DOCK3: variants seen among roughly 807,000 people sequenced by gnomAD.
DOCK3 encodes dedicator of cytokinesis 3.
A neutral mutation model predicts 265.6 loss-of-function variants in DOCK3; 60 were observed. The ratio of observed to expected loss-of-function variants is 0.23; its 90% CI spans 0.18 to 0.28. DOCK3 has a LOEUF of 0.28. Ranked by LOEUF, DOCK3 falls within the 10% of genes least tolerant of loss-of-function variation. DOCK3 has a pLI of 1.00. For missense variants in DOCK3, 1,981 were observed against 2,594.3 expected, an observed-to-expected ratio of 0.76 and a Z score of 5.14; for synonymous variants, 881 against 938.0, an observed-to-expected ratio of 0.94 and a Z score of 1.11.
At chr3:51,030,631 A>G (rs576585910) in intron 5 of DOCK3, among the ~76,000 whole-genome samples, 22 of 152,296 alleles carry the variant, frequency 1.4e-4, no homozygotes, top group African/African-American at 5.1e-4. Context: ...CTTTTAGTTT[A>G]CTTTCTGCTA....
chr3:51,310,198 G>C (rs1024867774), intron 27 of DOCK3, 34 bp from the exon 28 acceptor site: 2 of 1,537,640 alleles, frequency 1.3e-6, no homozygotes, highest in Admixed American at 1.9e-5. Flanking sequence ...TATTGTGGTG[G>C]TGGTGTCTCA....
At chr3:50,960,865 T>C (rs2076867012) in intron 5 of DOCK3, among the ~76,000 whole-genome samples, 1 of 152,174 alleles carries the variant, frequency 6.6e-6, no homozygotes, top group Admixed American at 6.5e-5. Flanking sequence ...TGGTGTGAGA[T>C]AAAAATCTAA....
intron 14 of DOCK3, among the ~76,000 whole-genome samples, chr3:51,214,813 G>C (rs1229585073): frequency 6.6e-6 from 1 of 152,154 alleles, no homozygotes; most frequent in African/African-American, 2.4e-5. Context: ...AATGCCCCGT[G>C]GAGAGCCAGG....
intron 5 of DOCK3, among the ~76,000 whole-genome samples, chr3:50,983,840 C>T (rs1319808103): frequency 1.3e-5 from 2 of 152,172 alleles, no homozygotes; most frequent in African/African-American, 4.8e-5. Flanking sequence ...AGAAGAGCTG[C>T]AGCTCTTTGG....
intron 23 of DOCK3, among the ~76,000 whole-genome samples, chr3:51,267,900 C>G (rs2080286194): frequency 6.6e-6 from 1 of 152,070 alleles, no homozygotes; most frequent in African/African-American, 2.4e-5. Flanking sequence ...AACAGAAAAC[C>G]AAACACCACA....
chr3:51,311,605 C>A (rs2083069905), intron 28 of DOCK3, among the ~76,000 whole-genome samples: 1 of 152,176 alleles, frequency 6.6e-6, no homozygotes, highest in Non-Finnish European at 1.5e-5. Flanking sequence ...ACAAAGTGAT[C>A]ATAATATCTC....
intron 6 of DOCK3, among the ~76,000 whole-genome samples, chr3:51,070,887 C>T (rs888940347): frequency 2.6e-5 from 4 of 151,986 alleles, no homozygotes; most frequent in African/African-American, 7.3e-5. Context: ...GTTGTGCACT[C>T]CTTATGAGAA....
chr3:51,010,641 T>A (rs1172225366), intron 5 of DOCK3, among the ~76,000 whole-genome samples: 1 of 152,210 alleles, frequency 6.6e-6, no homozygotes. Flanking sequence ...TATTGTTATG[T>A]GTGAATTTGA....
intron 32 of DOCK3, among the ~76,000 whole-genome samples, chr3:51,327,221 C>T (rs1158577330): frequency 1.3e-5 from 2 of 152,126 alleles, no homozygotes; most frequent in Non-Finnish European, 1.5e-5. Context: ...TCTCAGAACC[C>T]ACCATGGTGC....
chr3:51,351,194 G>A (rs1024000577), intron 40 of DOCK3, among the ~76,000 whole-genome samples: 1 of 152,184 alleles, frequency 6.6e-6, no homozygotes, highest in African/African-American at 2.4e-5. Flanking sequence ...GCCCTGATGT[G>A]TGGGCCCTGG....
chr3:50,809,930 A>T (rs866421198), intron 2 of DOCK3, among the ~76,000 whole-genome samples: 1 of 152,168 alleles, frequency 6.6e-6, no homozygotes, highest in South Asian at 2.1e-4. Flanking sequence ...ACTTGAGGCC[A>T]GGAGTTTGAG....
At chr3:51,113,939 C>T (rs1231722998) in intron 9 of DOCK3, among the ~76,000 whole-genome samples, 1 of 151,928 alleles carries the variant, frequency 6.6e-6, no homozygotes, top group Non-Finnish European at 1.5e-5. Context: ...AGCAAGACCC[C>T]ATCTCTACAA....
At chr3:50,926,737 T>G (rs1033542514) in intron 4 of DOCK3, among the ~76,000 whole-genome samples, 1 of 152,168 alleles carries the variant, frequency 6.6e-6, no homozygotes, top group Non-Finnish European at 1.5e-5. Flanking sequence ...TGGTACAGCA[T>G]TAGACAGCTG....
rs982905362 is a variant in DOCK3 at position 50,836,477 on chromosome 3, C to G, written c.122-5198C>G. The stretch of plus-strand genomic sequence containing the variant: ...GAGCTGTACCTTTCACCCTCTGAAG[C>G]AACAGCCTGAAGTATACCTTTAGCC... On this transcript the variant is annotated intron_variant, in intron 2 of 52. Coordinates refer to ENST00000266037, the MANE Select transcript of DOCK3 (RefSeq NM_004947.5). 2.0e-5 allele frequency among the ~76,000 whole-genome samples: 3 copies of G among 152,220 alleles called. No individual in the cohort carries two copies. In the East Asian group the frequency reaches 5.8e-4, roughly 29 times the overall value.
chr3:50,885,589 A>G (rs1156394822), intron 3 of DOCK3, among the ~76,000 whole-genome samples: 3 of 152,068 alleles, frequency 2.0e-5, no homozygotes, highest in East Asian at 1.9e-4. Context: ...TTTCAGTCCA[A>G]CTGTCCCATT....
chr3:51,182,374 G>A (rs147233592), intron 12 of DOCK3, among the ~76,000 whole-genome samples: 11 of 152,300 alleles, frequency 7.2e-5, no homozygotes, highest in South Asian at 2.1e-4. Flanking sequence ...TTAGGTTGGT[G>A]CAAAAGTAAT....
intron 7 of DOCK3, among the ~76,000 whole-genome samples, chr3:51,084,868 T>C (rs1312952898): frequency 4.6e-5 from 7 of 152,134 alleles, no homozygotes; most frequent in Admixed American, 4.6e-4. Flanking sequence ...AATTCTCCAA[T>C]TAAAAAATAT....
intron 5 of DOCK3, among the ~76,000 whole-genome samples, chr3:50,972,275 AT>A (rs2077261666): frequency 6.6e-6 from 1 of 152,218 alleles, no homozygotes; most frequent in African/African-American, 2.4e-5. Context: ...TAGAATAGGC[AT>A]CCTCCAGTGT....
intron 2 of DOCK3, among the ~76,000 whole-genome samples, chr3:50,826,184 TTTCC>T (rs1287698657): frequency 6.6e-6 from 1 of 152,136 alleles, no homozygotes. Context: ...CCTTTTTTTT[TTTCC>T]TTGTTTACTT....
Sources: gnomAD v4.1 joint callset for allele counts (sites outside exome capture counted in the v4.1 genomes callset) on GRCh38, gnomAD v4.1.1 for gene constraint, MANE v1.5 for transcripts, NCBI Gene and HGNC (gene_info 2026-07-23, HGNC 2026-07-21) for gene names.